Variants in DIAPH3 observed in about 807,000 individuals in gnomAD.
The protein encoded by DIAPH3 is diaphanous related formin 3, also known as protein diaphanous homolog 3.
A neutral mutation model predicts 144.3 loss-of-function variants in DIAPH3; 117 were observed. That is an observed-to-expected ratio of 0.81 (90% confidence interval 0.70 to 0.95). DIAPH3 has a LOEUF of 0.95. Ranked by LOEUF, DIAPH3 falls within the 40% of genes least tolerant of loss-of-function variation. The pLI, the probability that DIAPH3 is intolerant of heterozygous loss-of-function variation, is 0.00. For synonymous variants in DIAPH3, 519 were observed against 488.9 expected (o/e 1.06, Z -0.81); for missense variants, 1,421 against 1,412.7 (o/e 1.01, Z -0.09).
At chr13:59,720,296 GT>G (rs1415584966) in intron 27 of DIAPH3, among the ~76,000 whole-genome samples, 1 of 151,892 alleles carries the variant, frequency 6.6e-6, no homozygotes, top group Non-Finnish European at 1.5e-5. Flanking sequence ...TCATTATGTG[GT>G]ACATGACTAT....
intron 27 of DIAPH3, among the ~76,000 whole-genome samples, chr13:59,763,782 TC>T (rs1304564824): frequency 6.6e-6 from 1 of 152,182 alleles, no homozygotes; most frequent in Non-Finnish European, 1.5e-5. Flanking sequence ...TATTAAGAGG[TC>T]CTTTGTTTTT....
At chr13:59,913,932 T>C (rs1445816244) in intron 19 of DIAPH3, among the ~76,000 whole-genome samples, 1 of 151,904 alleles carries the variant, frequency 6.6e-6, no homozygotes, top group African/African-American at 2.4e-5. Flanking sequence ...CACTCCAGCC[T>C]GGTTGACAGT....
At chr13:60,080,145 C>T (rs2057505128) in intron 4 of DIAPH3, among the ~76,000 whole-genome samples, 1 of 151,812 alleles carries the variant, frequency 6.6e-6, no homozygotes, top group African/African-American at 2.4e-5. Flanking sequence ...TTAATTTTTA[C>T]CATCTAGAAA....
chr13:60,003,875 C>A (rs891044391), intron 9 of DIAPH3, among the ~76,000 whole-genome samples: 22 of 152,124 alleles, frequency 1.4e-4, no homozygotes, highest in African/African-American at 4.8e-4. Context: ...CCACCACGCA[C>A]GGCCCCTGAT....
At chr13:60,159,835 C>T (rs1465671853) in intron 1 of DIAPH3, among the ~76,000 whole-genome samples, 1 of 152,088 alleles carries the variant, frequency 6.6e-6, no homozygotes, top group Non-Finnish European at 1.5e-5. Flanking sequence ...TTACAACGCA[C>T]CTAGAACAGT....
At chr13:59,818,898 T>A (rs1050283841) in intron 24 of DIAPH3, among the ~76,000 whole-genome samples, 1 of 151,910 alleles carries the variant, frequency 6.6e-6, no homozygotes, top group Non-Finnish European at 1.5e-5. Context: ...TCAAAACTGC[T>A]CCTTTTTAGT....
intron 20 of DIAPH3, among the ~76,000 whole-genome samples, chr13:59,910,530 C>T (rs1313057048): frequency 1.3e-5 from 2 of 151,940 alleles, no homozygotes; most frequent in Non-Finnish European, 2.9e-5. Context: ...GAGTTCGAGA[C>T]CAGCCTGGCC....
At chr13:60,126,554 C>T (rs1175668057) in intron 2 of DIAPH3, among the ~76,000 whole-genome samples, 1 of 152,080 alleles carries the variant, frequency 6.6e-6, no homozygotes, top group Non-Finnish European at 1.5e-5. Context: ...TGTTAGAACA[C>T]ACAGAAAATT....
chr13:59,835,661 G>C (rs1448268477), intron 23 of DIAPH3, among the ~76,000 whole-genome samples: 1 of 151,756 alleles, frequency 6.6e-6, no homozygotes, highest in Non-Finnish European at 1.5e-5. Context: ...GGAGAAGAAA[G>C]TGAGAAGACT....
At chr13:60,017,468 G>C (rs2053734579) in intron 5 of DIAPH3, among the ~76,000 whole-genome samples, 1 of 149,164 alleles carries the variant, frequency 6.7e-6, no homozygotes, top group Non-Finnish European at 1.5e-5. Flanking sequence ...ACAAGCTTAA[G>C]TCATATATCA....
chr13:59,765,342 G>A (rs144882909), intron 27 of DIAPH3, among the ~76,000 whole-genome samples: 1 of 152,126 alleles, frequency 6.6e-6, no homozygotes, highest in Non-Finnish European at 1.5e-5. Context: ...GAAGGGGAAG[G>A]AATGAGAAAG....
At chr13:59,963,945 C>T (rs1471588591) in intron 17 of DIAPH3, among the ~76,000 whole-genome samples, 1 of 152,170 alleles carries the variant, frequency 6.6e-6, no homozygotes, top group Non-Finnish European at 1.5e-5. Flanking sequence ...ATAACAAGCA[C>T]TAATTTGAGC....
chr13:59,707,986 A>T (rs1302688577), intron 27 of DIAPH3, among the ~76,000 whole-genome samples: 1 of 129,254 alleles, frequency 7.7e-6, no homozygotes, highest in East Asian at 2.6e-4. Flanking sequence ...TCTCATCTTT[A>T]AAAAAAAAAA....
rs74802113 is a variant in DIAPH3, at chr13:59,867,729, T to G, written c.2608-6193A>C. Among the ~76,000 whole-genome samples, 4 of 152,092 alleles carry G rather than the reference T, an allele frequency of 2.6e-5. No homozygotes were observed. The East Asian group carries it at 7.7e-4, about 29-fold the overall frequency. On this transcript the variant is annotated intron_variant, in intron 21 of 27. Transcript: ENST00000400324. ...CTACATTATCTACTGCGTTGCACTGTTCTGTTCATACTGCCCCCTTTTTCC... is the reference window on the plus strand; with the variant it reads ...CTACATTATCTACTGCGTTGCACTGGTCTGTTCATACTGCCCCCTTTTTCC...
intron 27 of DIAPH3, among the ~76,000 whole-genome samples, chr13:59,727,342 C>T (rs548199600): frequency 6.6e-6 from 1 of 152,312 alleles, no homozygotes; most frequent in South Asian, 2.1e-4. Flanking sequence ...TAGAACTTCT[C>T]TGGGCTGATC....
intron 20 of DIAPH3, among the ~76,000 whole-genome samples, chr13:59,901,411 T>C (rs987955933): frequency 6.6e-6 from 1 of 152,142 alleles, no homozygotes; most frequent in African/African-American, 2.4e-5. Flanking sequence ...CCTTGAGATA[T>C]CCACACCTCT....
rs1229182267 is a variant in DIAPH3, at chr13:59,879,423, A to G, written c.2413T>C (p.Phe805Leu). ...ACCTGCTCTTCAAACTGAAGCTTAA[A>G]GAGAATAGCACTGAGCCGTGGCCGT... ...RLRPRLSAIL[F>L]KLQFEEQVNN... Residue 805 changes from phenylalanine (F) to leucine (L), a missense_variant, in exon 21 of 28, where the codon TTT (phenylalanine) becomes CTT (leucine). Coordinates refer to ENST00000400324, the MANE Select transcript of DIAPH3 (RefSeq NM_001042517.2). The G allele has an allele frequency of 5.0e-6, 8 of 1,613,734 alleles. No homozygotes were observed. The highest frequency in any genetic ancestry group is 1.7e-5 in the Admixed American group (1 of 59,936).
At chr13:60,036,745 T>C (rs1428830389) in intron 5 of DIAPH3, among the ~76,000 whole-genome samples, 2 of 152,124 alleles carry the variant, frequency 1.3e-5, no homozygotes, top group Non-Finnish European at 2.9e-5. Context: ...TATAACTTGT[T>C]AATCTAAAAT....
intron 22 of DIAPH3, among the ~76,000 whole-genome samples, chr13:59,843,104 C>T (rs2042434952): frequency 6.6e-6 from 1 of 152,162 alleles, no homozygotes; most frequent in South Asian, 2.1e-4. Context: ...AAGCTATACC[C>T]CTACCTGTCT....
Sources: gnomAD v4.1 joint callset for allele counts (sites outside exome capture counted in the v4.1 genomes callset) on GRCh38, gnomAD v4.1.1 for gene constraint, MANE v1.5 for transcripts, NCBI Gene and HGNC (gene_info 2026-07-23, HGNC 2026-07-21) for gene names.